Variants in LPGAT1 observed in about 807,000 individuals in gnomAD.
The protein encoded by LPGAT1 is lysophosphatidylglycerol acyltransferase 1.
A neutral mutation model predicts 47.5 loss-of-function variants in LPGAT1; 11 were observed. The ratio of observed to expected loss-of-function variants is 0.23; its 90% CI spans 0.15 to 0.38. LPGAT1 has a LOEUF of 0.38. Among genes scored for constraint, LPGAT1 ranks in the 10% least tolerant of loss-of-function variants. LPGAT1 has a pLI of 1.00. For missense variants in LPGAT1, 293 were observed against 439.0 expected (o/e 0.67, Z 2.97); for synonymous variants, 138 against 144.2 (o/e 0.96, Z 0.31).
At chr1:211,800,087 T>A (rs1245903883) in intron 2 of LPGAT1, among the ~76,000 whole-genome samples, 1 of 147,352 alleles carries the variant, frequency 6.8e-6, no homozygotes, top group Non-Finnish European at 1.5e-5. Context: ...CAGGCTGGAG[T>A]GCAGTGGCAC....
At chr1:211,788,047 T>C (rs1215908597) in intron 3 of LPGAT1, among the ~76,000 whole-genome samples, 2 of 152,194 alleles carry the variant, frequency 1.3e-5, no homozygotes, top group Non-Finnish European at 2.9e-5. Flanking sequence ...ATAATTCTTA[T>C]ATAACTTACA....
intron 2 of LPGAT1, among the ~76,000 whole-genome samples, chr1:211,812,957 A>T (rs1333006439): frequency 1.3e-5 from 2 of 152,228 alleles, no homozygotes; most frequent in Non-Finnish European, 2.9e-5. Context: ...TTGTTTTGGT[A>T]GTCACAGGAA....
intron 6 of LPGAT1, among the ~76,000 whole-genome samples, chr1:211,773,468 C>T (rs2102521779): frequency 6.6e-6 from 1 of 152,226 alleles, no homozygotes; most frequent in Admixed American, 6.5e-5. Context: ...AACCAAAGTC[C>T]TAATCAAGTT....
intron 4 of LPGAT1, among the ~76,000 whole-genome samples, chr1:211,786,618 T>C (rs1024527668): frequency 7.2e-5 from 11 of 152,212 alleles, no homozygotes; most frequent in African/African-American, 2.4e-4. Context: ...CCAATTCACC[T>C]TCCTCCATCA....
At position 211,748,203 on chromosome 1, in the gene LPGAT1, A is replaced by T. The variant is rs1657022550; in HGVS notation, c.*1696T>A. On this transcript the variant is annotated 3_prime_UTR_variant, in exon 8 of 8. Transcript: ENST00000366997. ...ATCTACAATGCTCACATCACAGTAA[A>T]CTACCACTGACTTACTAGGATCTTA... The T allele has an allele frequency of 6.6e-6, 1 of 152,644 alleles. No individual in the cohort carries two copies. The highest frequency in any genetic ancestry group is 1.5e-5 in the Non-Finnish European group (1 of 68,036). 9.5% of individuals were successfully genotyped at this position (152,644 alleles called of 1,614,324 possible).
chr1:211,747,007 G>T lies in LPGAT1; in HGVS notation c.*2892C>A, dbSNP rs988692343. 2 of 152,190 alleles carry T rather than the reference G, an allele frequency of 1.3e-5. No individual in the cohort carries two copies. Among genetic ancestry groups the T allele is most frequent in the East Asian group, 3.8e-4 (2 of 5,202 alleles). 9.4% of individuals were successfully genotyped at this position (152,190 alleles called of 1,614,324 possible). A position where few individuals can be genotyped will look rare whatever the true frequency, so the allele number is the denominator to read the frequency against. ...TAGGCAGTCTAGCCAAGACCAAGAA[G>T]AGCTGAGCTTCTACAAGCTATTGAT... On this transcript the variant is annotated 3_prime_UTR_variant, in exon 8 of 8. Coordinates refer to ENST00000366997, the MANE Select transcript of LPGAT1 (RefSeq NM_014873.3).
intron 2 of LPGAT1, among the ~76,000 whole-genome samples, chr1:211,819,722 C>T (rs1034529948): frequency 5.3e-5 from 8 of 152,112 alleles, no homozygotes; most frequent in Admixed American, 3.9e-4. Flanking sequence ...CGGTGGCTCA[C>T]GCCTGTAATC....
intron 2 of LPGAT1, among the ~76,000 whole-genome samples, chr1:211,807,681 G>A (rs1441697529): frequency 3.3e-5 from 5 of 152,024 alleles, no homozygotes; most frequent in South Asian, 4.1e-4. Flanking sequence ...AACAAATAAT[G>A]TTGCAAAAAA....
intron 5 of LPGAT1, among the ~76,000 whole-genome samples, chr1:211,782,505 A>T (rs1035018552): frequency 3.3e-5 from 5 of 152,178 alleles, no homozygotes; most frequent in Non-Finnish European, 7.4e-5. Context: ...AGGCCAAGGC[A>T]GGAGTATCAC....
intron 6 of LPGAT1, among the ~76,000 whole-genome samples, chr1:211,765,604 G>C (rs1327142040): frequency 1.3e-5 from 2 of 152,104 alleles, no homozygotes; most frequent in African/African-American, 4.8e-5. Flanking sequence ...AAGTGAAAAA[G>C]ACATGGTAAA....
intron 3 of LPGAT1, among the ~76,000 whole-genome samples, chr1:211,788,682 A>T (rs74937167): frequency 1.5e-4 from 21 of 142,434 alleles, no homozygotes; most frequent in African/African-American, 3.6e-4. Flanking sequence ...ACTCTTTATT[A>T]AAAAAAAAAA....
chr1:211,819,123 G>C lies in LPGAT1; in HGVS notation c.238+9936C>G, dbSNP rs187840278. Among the ~76,000 whole-genome samples the C allele has an allele frequency of 8.5e-5, 13 of 152,104 alleles. No homozygotes were observed. The East Asian group carries it at 2.5e-3, about 29-fold the overall frequency. ...CAGCATTATAGGCATGAATCTTCTGGGAAAATACAGATAGCAACAAGGAGA... is the reference window on the plus strand; with the variant it reads ...CAGCATTATAGGCATGAATCTTCTGCGAAAATACAGATAGCAACAAGGAGA... On this transcript the variant is annotated intron_variant, in intron 2 of 7. Coordinates refer to ENST00000366997, the MANE Select transcript of LPGAT1 (RefSeq NM_014873.3).
chr1:211,798,854 G>C (rs529882836), intron 2 of LPGAT1, among the ~76,000 whole-genome samples: 1 of 152,182 alleles, frequency 6.6e-6, no homozygotes, highest in Non-Finnish European at 1.5e-5. Context: ...AAGTGGCCAT[G>C]AGAGAGTGGC....
rs1292452332 is a variant in LPGAT1 at position 211,744,721 on chromosome 1, T to C, written c.*5178A>G. 6 of 152,232 alleles carry C rather than the reference T, an allele frequency of 3.9e-5. No individual in the cohort carries two copies. The highest frequency in any genetic ancestry group is 8.8e-5 in the Non-Finnish European group (6 of 68,038). 9.4% of individuals were successfully genotyped at this position (152,232 alleles called of 1,614,324 possible). A position where few individuals can be genotyped will look rare whatever the true frequency, so the allele number is the denominator to read the frequency against. On this transcript the variant is annotated 3_prime_UTR_variant, in exon 8 of 8. Transcript: ENST00000366997. ...CAAAATTTATAACAAACATGTATAG[T>C]TGAATACATAATTTTCTCCCAGAAG...
At position 211,749,891 on chromosome 1, in the gene LPGAT1, G is replaced by A. The variant is rs1055760747; in HGVS notation, c.*8C>T. On this transcript the variant is annotated 3_prime_UTR_variant, in exon 8 of 8. Coordinates refer to ENST00000366997, the MANE Select transcript of LPGAT1 (RefSeq NM_014873.3). Reference sequence around the variant, plus strand: ...CCTACGGTGACCTTGACAAGTCCACGTCAATTCCTAAAACAGGCAATGGTA... The same window carrying A: ...CCTACGGTGACCTTGACAAGTCCACATCAATTCCTAAAACAGGCAATGGTA... The A allele has an allele frequency of 1.1e-5, 17 of 1,613,516 alleles. No individual in the cohort carries two copies. The highest frequency in any genetic ancestry group is 2.2e-5 in the South Asian group (2 of 90,980).
chr1:211,775,808 G>A (rs1205152472), intron 6 of LPGAT1, among the ~76,000 whole-genome samples: 3 of 151,662 alleles, frequency 2.0e-5, no homozygotes, highest in Non-Finnish European at 2.9e-5. Context: ...CATGCCTACT[G>A]TAATCCCAGC....
chr1:211,805,656 T>TA (rs1462877822), intron 2 of LPGAT1, among the ~76,000 whole-genome samples: 3 of 152,184 alleles, frequency 2.0e-5, no homozygotes, highest in Non-Finnish European at 4.4e-5. Context: ...ATTTTATAGT[T>TA]AAAAACCTTC....
At chr1:211,762,964 C>A (rs1245256506) in intron 6 of LPGAT1, among the ~76,000 whole-genome samples, 7 of 152,090 alleles carry the variant, frequency 4.6e-5, no homozygotes. Context: ...CTGAAATAAA[C>A]AATTCCTGCT....
intron 6 of LPGAT1, among the ~76,000 whole-genome samples, chr1:211,774,899 G>A (rs114141768): frequency 5.3e-5 from 8 of 151,832 alleles, no homozygotes; most frequent in Admixed American, 1.3e-4. Flanking sequence ...CAGAAATTTC[G>A]AATCAAGAAA....
Sources: allele counts gnomAD v4.1 joint callset (sites outside exome capture counted in the v4.1 genomes callset), GRCh38; gene constraint gnomAD v4.1.1; transcripts MANE v1.5; gene names NCBI Gene and HGNC (gene_info 2026-07-23, HGNC 2026-07-21).